Variants in POLN observed in about 807,000 individuals in gnomAD.
POLN encodes the protein DNA polymerase N.
Under a neutral mutation model 113.5 loss-of-function variants are expected in POLN, and 108 were observed. The ratio of observed to expected loss-of-function variants is 0.95; its 90% CI spans 0.81 to 1.12. The LOEUF is 1.12. Among genes scored for constraint, POLN ranks in the 50% most tolerant of loss-of-function variants. The probability of loss-of-function intolerance (pLI) is 0.00; values close to 1 mark genes in which losing one functional copy is unlikely to be tolerated. For missense variants in POLN, 1,097 were observed against 1,077.1 expected (o/e 1.02, Z -0.26); for synonymous variants, 386 against 391.5 (o/e 0.99, Z 0.17).
chr4:2,239,681 G>A (rs1391648345), intron 2 of POLN, among the ~76,000 whole-genome samples: 1 of 152,198 alleles, frequency 6.6e-6, no homozygotes, highest in African/African-American at 2.4e-5. Flanking sequence ...TGGAGCAAAC[G>A]AGGCAGAATA....
intron 3 of POLN, among the ~76,000 whole-genome samples, chr4:2,222,462 C>T (rs934131334): frequency 2.6e-5 from 4 of 152,016 alleles, no homozygotes; most frequent in South Asian, 2.1e-4. Flanking sequence ...ACCTGAGGTC[C>T]GGAGGCGGAG....
chr4:2,108,522 C>T (rs1040707128), intron 19 of POLN, among the ~76,000 whole-genome samples: 1 of 152,136 alleles, frequency 6.6e-6, no homozygotes, highest in Non-Finnish European at 1.5e-5. Flanking sequence ...AGGAGGATAT[C>T]CACAAGGTGA....
chr4:2,183,100 T>C (rs7698997), intron 7 of POLN, among the ~76,000 whole-genome samples: 37,534 of 152,020 alleles, frequency 0.25, 7,152 homozygotes, highest in African/African-American at 0.52. Flanking sequence ...ACCAAAACCA[T>C]AAGGATGTAA....
intron 12 of POLN, 29 bp from the exon 13 acceptor site, chr4:2,170,803 G>A: frequency 6.3e-7 from 1 of 1,580,478 alleles, no homozygotes; most frequent in Non-Finnish European, 8.7e-7. Context: ...AACATGGTGA[G>A]GGAATCTCAC....
intron 20 of POLN, chr4:2,089,193 G>T (rs773132817): frequency 3.3e-6 from 5 of 1,516,456 alleles, no homozygotes; most frequent in Non-Finnish European, 4.5e-6. Flanking sequence ...TGACCTCAAA[G>T]GACTCTTTCT....
chr4:2,202,723 C>CAAAAAAA (rs34712930), intron 5 of POLN, among the ~76,000 whole-genome samples: 16 of 36,836 alleles, frequency 4.3e-4, no homozygotes, highest in Non-Finnish European at 7.1e-4. Flanking sequence ...GACTCTGTCT[C>CAAAAAAA]AAAAAAAAAA....
At chr4:2,138,394 C>T (rs1016721942) in intron 16 of POLN, among the ~76,000 whole-genome samples, 1 of 152,066 alleles carries the variant, frequency 6.6e-6, no homozygotes, top group East Asian at 1.9e-4. Context: ...CTGACTCTCC[C>T]GGCTGGAGGG....
chr4:2,177,315 C>T (rs1267946597), intron 8 of POLN: 1 of 483,116 alleles, frequency 2.1e-6, no homozygotes, highest in Non-Finnish European at 4.1e-6. Flanking sequence ...GTTGGTCTTG[C>T]TGTCCTCCAT....
At chr4:2,241,943 C>A in intron 1 of POLN, 108 bp downstream of exon 1, 4 of 985,500 alleles carry the variant, frequency 4.1e-6, no homozygotes, top group Non-Finnish European at 4.8e-6. Flanking sequence ...CTGGAAGGAG[C>A]CCCCAGGAGC....
chr4:2,180,198 G>A (rs1423231402), intron 7 of POLN, among the ~76,000 whole-genome samples: 2 of 152,092 alleles, frequency 1.3e-5, no homozygotes. Flanking sequence ...AATTATGTGT[G>A]ATATACATGA....
At chr4:2,183,922 C>T (rs1733206677) in intron 7 of POLN, among the ~76,000 whole-genome samples, 1 of 150,870 alleles carries the variant, frequency 6.6e-6, no homozygotes, top group South Asian at 2.1e-4. Context: ...TGCGAGATCT[C>T]TGCTCACTGC....
intron 3 of POLN, among the ~76,000 whole-genome samples, chr4:2,220,564 C>T (rs950960650): frequency 6.6e-6 from 1 of 152,170 alleles, no homozygotes; most frequent in Non-Finnish European, 1.5e-5. Context: ...AGGGGAGAGA[C>T]CCTGCTAAAT....
intron 7 of POLN, 113 bp downstream of exon 7, chr4:2,193,091 T>C: frequency 1.3e-6 from 1 of 755,066 alleles, no homozygotes; most frequent in South Asian, 1.8e-5. Flanking sequence ...TCAGTCTGTG[T>C]GGCCAGGTCC....
chr4:2,085,515 G>A (rs1730526669), intron 21 of POLN, 98 bp downstream of exon 21: 1 of 1,524,262 alleles, frequency 6.6e-7, no homozygotes. Context: ...CCAACCTCAG[G>A]ACCCAGGGCC....
rs765772082 is a variant in POLN, at chr4:2,081,727, GA to G, written c.2213del (p.Ile738ThrfsTer27). ...TTGGCAGGGGTCTCCTTCTGCCCAT[GA>G]TGGACACCACACAGCCTGAGTCACA... ...QCHQTGCVVS[I>X]MGRRRPLPRI... On this transcript the variant is annotated frameshift_variant, in exon 22 of 26. Coordinates refer to ENST00000511885, the MANE Select transcript of POLN (RefSeq NM_181808.4). LOFTEE classifies it high-confidence loss of function. 1.2e-6 allele frequency: 2 copies of G among 1,614,046 alleles called. No homozygotes were observed. The highest frequency in any genetic ancestry group is 2.2e-5 in the South Asian group (2 of 91,070).
At chr4:2,189,638 C>CAAAA (rs776990379) in intron 7 of POLN, among the ~76,000 whole-genome samples, 28 of 140,496 alleles carry the variant, frequency 2.0e-4, no homozygotes, top group East Asian at 8.6e-4. Flanking sequence ...GACTCCATCT[C>CAAAA]AAACAAAAAA....
At chr4:2,224,457 A>G (rs1734336213) in intron 3 of POLN, among the ~76,000 whole-genome samples, 1 of 152,220 alleles carries the variant, frequency 6.6e-6, no homozygotes. Flanking sequence ...ATAAACCAGT[A>G]ACACAGTCAT....
In POLN at chr4:2,231,804, T is replaced by C. The variant is rs1353593776; in HGVS notation, c.-12-2561A>G. On this transcript the variant is annotated intron_variant, in intron 2 of 25. Transcript: ENST00000511885. Reference sequence around the variant, plus strand: ...GAAAAAAGACAAATTAATATAATAGTTCAATTCATCAAATTAAATGTTCCA... The same window carrying C: ...GAAAAAAGACAAATTAATATAATAGCTCAATTCATCAAATTAAATGTTCCA... 12 of 601,098 alleles carry C rather than the reference T, an allele frequency of 2.0e-5. 1 individual carries two copies. In the Admixed American group the frequency reaches 4.3e-4, roughly 22 times the overall value. The allele number at this position is 601,098 out of a possible 1,614,324, so 37.2% of individuals were successfully genotyped here.
chr4:2,191,356 T>C (rs1270389577), intron 7 of POLN, among the ~76,000 whole-genome samples: 1 of 152,100 alleles, frequency 6.6e-6, no homozygotes, highest in Non-Finnish European at 1.5e-5. Flanking sequence ...TGGGTGGGAT[T>C]AAGAGTAGTT....
Sources: allele counts gnomAD v4.1 joint callset (sites outside exome capture counted in the v4.1 genomes callset), GRCh38; gene constraint gnomAD v4.1.1; transcripts MANE v1.5; gene names NCBI Gene and HGNC (gene_info 2026-07-23, HGNC 2026-07-21).